The following ADAM22 variants were observed in gnomAD, a reference collection of about 807,000 sequenced individuals.
The protein encoded by ADAM22 is disintegrin and metalloproteinase domain-containing protein 22.
ADAM22 carries 65 observed loss-of-function variants against 144.6 expected under a neutral mutation model. The ratio of observed to expected loss-of-function variants is 0.45; its 90% CI spans 0.37 to 0.55. The LOEUF (loss-of-function observed/expected upper bound fraction) is 0.55. Among genes scored for constraint, ADAM22 ranks in the 20% least tolerant of loss-of-function variants. The pLI, the probability that ADAM22 is intolerant of heterozygous loss-of-function variation, is 0.00. For missense variants in ADAM22, 974 were observed against 1,184.9 expected, an observed-to-expected ratio of 0.82 and a Z score of 2.61; for synonymous variants, 391 against 412.6, an observed-to-expected ratio of 0.95 and a Z score of 0.63.
intron 14 of ADAM22, among the ~76,000 whole-genome samples, chr7:88,137,272 T>TGGTTTG (rs1833220833): frequency 6.6e-6 from 1 of 152,212 alleles, no homozygotes; most frequent in South Asian, 2.1e-4. Flanking sequence ...TAAATGCCAT[T>TGGTTTG]CTCCTGCTGA....
intron 2 of ADAM22, among the ~76,000 whole-genome samples, chr7:87,966,562 C>T (rs1260877799): frequency 6.6e-6 from 1 of 151,976 alleles, no homozygotes; most frequent in Non-Finnish European, 1.5e-5. Flanking sequence ...TCAGCATAGT[C>T]TGTCTTTTTG....
At chr7:88,177,870 T>G (rs962712336) in intron 26 of ADAM22, among the ~76,000 whole-genome samples, 1 of 152,196 alleles carries the variant, frequency 6.6e-6, no homozygotes, top group South Asian at 2.1e-4. Context: ...GTTAGCAAAT[T>G]TGTGCTTTTG....
intron 3 of ADAM22, among the ~76,000 whole-genome samples, chr7:88,017,129 C>T (rs1163151684): frequency 6.6e-6 from 1 of 151,792 alleles, no homozygotes; most frequent in Non-Finnish European, 1.5e-5. Context: ...GAGACCCTGT[C>T]TCTAAAAATA....
intron 2 of ADAM22, among the ~76,000 whole-genome samples, chr7:87,975,088 G>A (rs1851589590): frequency 6.6e-6 from 1 of 152,062 alleles, no homozygotes; most frequent in Non-Finnish European, 1.5e-5. Flanking sequence ...CTGGATATTA[G>A]GGTGTAGGCA....
intron 2 of ADAM22, among the ~76,000 whole-genome samples, chr7:87,952,536 C>T (rs1347794433): frequency 9.2e-5 from 14 of 151,812 alleles, no homozygotes; most frequent in South Asian, 8.3e-4. Context: ...CTGCTGGATT[C>T]GGTTTGCCAG....
chr7:88,167,763 G>A (rs1295849560), intron 24 of ADAM22, among the ~76,000 whole-genome samples: 1 of 152,140 alleles, frequency 6.6e-6, no homozygotes, highest in African/African-American at 2.4e-5. Context: ...TGTCAAAATG[G>A]AGTGATATGC....
intron 3 of ADAM22, among the ~76,000 whole-genome samples, chr7:87,989,529 T>G (rs1377084690): frequency 6.6e-6 from 1 of 152,236 alleles, no homozygotes; most frequent in Non-Finnish European, 1.5e-5. Flanking sequence ...GTATTCATAC[T>G]CATGCTATAT....
intron 3 of ADAM22, among the ~76,000 whole-genome samples, chr7:87,997,312 G>T (rs1254358967): frequency 6.6e-6 from 1 of 152,166 alleles, no homozygotes; most frequent in Non-Finnish European, 1.5e-5. Context: ...TCCTCATTTG[G>T]CAATAAAAGC....
chr7:88,053,440 G>C (rs1807071007), intron 3 of ADAM22, among the ~76,000 whole-genome samples: 1 of 151,888 alleles, frequency 6.6e-6, no homozygotes, highest in Non-Finnish European at 1.5e-5. Context: ...CTGCACTCTA[G>C]CCAGGGGAAC....
At chr7:87,990,300 A>G (rs1789493342) in intron 3 of ADAM22, among the ~76,000 whole-genome samples, 1 of 152,186 alleles carries the variant, frequency 6.6e-6, no homozygotes, top group South Asian at 2.1e-4. Flanking sequence ...GATCTGCTGG[A>G]GATAATTGTA....
intron 3 of ADAM22, among the ~76,000 whole-genome samples, chr7:87,983,622 A>G (rs751365715): frequency 1.3e-5 from 2 of 152,108 alleles, no homozygotes; most frequent in East Asian, 3.8e-4. Flanking sequence ...TTTTCTTTTC[A>G]AAATGTTACT....
At chr7:88,002,940 T>C (rs929372646) in intron 3 of ADAM22, among the ~76,000 whole-genome samples, 6 of 152,248 alleles carry the variant, frequency 3.9e-5, no homozygotes, top group South Asian at 4.1e-4. Flanking sequence ...TGTGAAGTGT[T>C]AGAACCTTAG....
intron 22 of ADAM22, among the ~76,000 whole-genome samples, chr7:88,157,277 A>G (rs1840245877): frequency 6.6e-6 from 1 of 152,154 alleles, no homozygotes; most frequent in Non-Finnish European, 1.5e-5. Context: ...AATTAGAGGT[A>G]CATCTAAACA....
chr7:88,010,722 G>A (rs1795158688), intron 3 of ADAM22, among the ~76,000 whole-genome samples: 1 of 152,130 alleles, frequency 6.6e-6, no homozygotes, highest in South Asian at 2.1e-4. Flanking sequence ...TTGGCATGTG[G>A]TGGGTTGGAA....
Position 87,991,759 on chromosome 7 carries a change from T to C in ADAM22, c.323+13347T>C, listed in dbSNP as rs543218095. Among the ~76,000 whole-genome samples the C allele has an allele frequency of 9.8e-5, 15 of 152,316 alleles. No homozygotes were observed. In the South Asian group the frequency reaches 3.1e-3, roughly 32 times the overall value. ...TTTTGGGAGGATTGCTTTGCACATA[T>C]TAATTAAATTGAGTGAAATATAAGA... is the stretch of plus-strand genomic sequence containing the variant. On this transcript the variant is annotated intron_variant, in intron 3 of 31. Transcript: ENST00000413139.
chr7:88,139,035 C>T (rs1833843834), intron 14 of ADAM22, among the ~76,000 whole-genome samples: 1 of 152,130 alleles, frequency 6.6e-6, no homozygotes, highest in South Asian at 2.1e-4. Context: ...CTTAACTAGA[C>T]TTTGACTTCT....
chr7:88,102,939 C>T (rs1823338539), intron 4 of ADAM22, among the ~76,000 whole-genome samples: 1 of 152,154 alleles, frequency 6.6e-6, no homozygotes, highest in African/African-American at 2.4e-5. Flanking sequence ...GAGGTTTTCT[C>T]TCCAGTAGCA....
chr7:88,117,351 T>A (rs887871458), intron 7 of ADAM22, among the ~76,000 whole-genome samples: 2 of 152,240 alleles, frequency 1.3e-5, no homozygotes, highest in Admixed American at 1.3e-4. Context: ...TATAATAAGT[T>A]AGAAGAAAAC....
At chr7:87,953,079 C>CA (rs1845678445) in intron 2 of ADAM22, among the ~76,000 whole-genome samples, 2 of 151,474 alleles carry the variant, frequency 1.3e-5, no homozygotes, top group South Asian at 4.2e-4. Flanking sequence ...TTGATCCTTT[C>CA]AAAAAACCAG....
Sources: gnomAD v4.1 joint callset for allele counts (sites outside exome capture counted in the v4.1 genomes callset) on GRCh38, gnomAD v4.1.1 for gene constraint, MANE v1.5 for transcripts, NCBI Gene and HGNC (gene_info 2026-07-23, HGNC 2026-07-21) for gene names.